Variants in CFL2 observed in about 807,000 individuals in gnomAD.
CFL2 encodes cofilin-2.
In CFL2, 10 loss-of-function variants were observed where a neutral mutation model predicts 19.6. That is an observed-to-expected ratio of 0.51 (90% CI 0.31 to 0.86). The LOEUF is 0.86. CFL2 is among the 40% of genes least tolerant of loss of function. CFL2 has a pLI of 0.04. For missense variants in CFL2, 125 were observed against 192.1 expected (o/e 0.65, Z 2.06); for synonymous variants, 63 against 66.7 (o/e 0.95, Z 0.27).
chr14:34,709,183 AG>A lies in CFL2; in HGVS notation c.*3681del, dbSNP rs972524954. The A allele has an allele frequency of 3.9e-5, 6 of 152,284 alleles. No individual in the cohort carries two copies. The highest frequency in any genetic ancestry group is 3.4e-3 in the Middle Eastern group (1 of 294). 9.4% of individuals were successfully genotyped at this position (152,284 alleles called of 1,614,324 possible). A position where few individuals can be genotyped will look rare whatever the true frequency, so the allele number is the denominator to read the frequency against. On this transcript the variant is annotated 3_prime_UTR_variant, in exon 4 of 4. Coordinates refer to ENST00000298159, the MANE Select transcript of CFL2 (RefSeq NM_138638.5). ...GTAATTAAGAATGAATAGTTTAAACAGATTATTGCATTTACATAGCATTTTC... is the reference window on the plus strand; with the variant it reads ...GTAATTAAGAATGAATAGTTTAAACAATTATTGCATTTACATAGCATTTTC...
At chr14:34,714,467 C>T (rs747723409) in intron 1 of CFL2, 71 bp downstream of exon 1, 20 of 1,510,924 alleles carry the variant, frequency 1.3e-5, no homozygotes, top group Non-Finnish European at 1.2e-5. Flanking sequence ...AAATGGCGGC[C>T]TCACTCCCGG....
intron 1 of CFL2, 46 bp downstream of exon 1, chr14:34,714,492 C>T (rs772455253): frequency 6.4e-7 from 1 of 1,550,716 alleles, no homozygotes; most frequent in South Asian, 1.2e-5. Context: ...GTGCGGGGGG[C>T]TTTTCTCGCC....
At position 34,713,011 on chromosome 14, in the gene CFL2, T is replaced by G. The variant is rs759449417; in HGVS notation, c.389-34A>C. On this transcript the variant is annotated intron_variant, in intron 3 of 3. Coordinates refer to ENST00000298159, the MANE Select transcript of CFL2 (RefSeq NM_138638.5). ...AAAAAACATTATCCTATTACTTTAT[T>G]ATAATTAATAAAGAATAATTTCTCT... is the stretch of plus-strand genomic sequence containing the variant. 3 of 1,545,434 alleles carry G rather than the reference T, an allele frequency of 1.9e-6. No homozygotes were observed. In the East Asian group the frequency reaches 7.2e-5, roughly 37 times the overall value.
At chr14:34,714,320 A>C (rs2138476917) in intron 1 of CFL2, 3 of 649,292 alleles carry the variant, frequency 4.6e-6, no homozygotes, top group Non-Finnish European at 4.5e-6. Flanking sequence ...ACCTGCGCCG[A>C]CGCCCGGGCC....
In CFL2 at chr14:34,710,786, C is replaced by T. The variant is rs1566522609; in HGVS notation, c.*2079G>A. 4.4e-6 allele frequency: 2 copies of T among 451,942 alleles called. No individual in the cohort carries two copies. The highest frequency in any genetic ancestry group is 2.4e-5 in the Admixed American group (1 of 42,196). The allele number at this position is 451,942 out of a possible 1,614,324, so 28.0% of individuals were successfully genotyped here. A position where few individuals can be genotyped will look rare whatever the true frequency, so the allele number is the denominator to read the frequency against. On this transcript the variant is annotated 3_prime_UTR_variant, in exon 4 of 4. Transcript: ENST00000298159. ...AATCTCTGAAATTACTAGAGGCATA[C>T]AAGAAAGTTAAGGAATCAGCTACAA...
At position 34,712,161 on chromosome 14, in the gene CFL2, T is replaced by C. The variant is rs1200867319; in HGVS notation, c.*704A>G. On this transcript the variant is annotated 3_prime_UTR_variant, in exon 4 of 4. Coordinates refer to ENST00000298159, the MANE Select transcript of CFL2 (RefSeq NM_138638.5). ...TATCTTTAGTGTTGCAGGACTCACA[T>C]GGTAAACATAAAACTCCTACACTTA... 3 of 454,388 alleles carry C rather than the reference T, an allele frequency of 6.6e-6. No individual in the cohort carries two copies. The highest frequency in any genetic ancestry group is 8.8e-6 in the Non-Finnish European group (2 of 226,792). The allele number at this position is 454,388 out of a possible 1,614,324, so 28.1% of individuals were successfully genotyped here. A position where few individuals can be genotyped will look rare whatever the true frequency, so the allele number is the denominator to read the frequency against.
In CFL2 at chr14:34,711,464, G is replaced by A. The variant is rs1277299654; in HGVS notation, c.*1401C>T. The A allele has an allele frequency of 1.1e-5, 4 of 363,644 alleles. No homozygotes were observed. The African/African-American group carries it at 1.3e-4, about 12-fold the overall frequency. The allele number at this position is 363,644 out of a possible 1,614,324, so 22.5% of individuals were successfully genotyped here. On this transcript the variant is annotated 3_prime_UTR_variant, in exon 4 of 4. Coordinates refer to ENST00000298159, the MANE Select transcript of CFL2 (RefSeq NM_138638.5). ...GCCAAATCCCACTACTAATGTTTAA[G>A]ACTGCTATTATCAATTCCTATTCCA...
rs763515640 is a variant in CFL2, at chr14:34,711,719, T to C, written c.*1146A>G. The C allele has an allele frequency of 6.3e-5, 28 of 443,498 alleles. No homozygotes were observed. Among genetic ancestry groups the C allele is most frequent in the South Asian group, 3.3e-4 (20 of 61,114 alleles). 27.5% of individuals were successfully genotyped at this position (443,498 alleles called of 1,614,324 possible). On this transcript the variant is annotated 3_prime_UTR_variant, in exon 4 of 4. Transcript: ENST00000298159. ...CAAATCAGATATTGAAAAGTATTTA[T>C]GCCAAAGTGCAAAAAATAATTTCTG...
rs1566523690 is a variant in CFL2, at chr14:34,711,776, ACT to A, written c.*1087_*1088del. 2.2e-6 allele frequency: 1 copy of A among 446,174 alleles called. No individual in the cohort carries two copies. The highest frequency in any genetic ancestry group is 2.5e-5 in the Admixed American group (1 of 40,384). 27.6% of individuals were successfully genotyped at this position (446,174 alleles called of 1,614,324 possible). A position where few individuals can be genotyped will look rare whatever the true frequency, so the allele number is the denominator to read the frequency against. ...ATATTAACACATAGGAAATAAATACACTAATGTTTATAAAAGTACCATTCTTT... is the reference window on the plus strand; with the variant it reads ...ATATTAACACATAGGAAATAAATACAAATGTTTATAAAAGTACCATTCTTT... On this transcript the variant is annotated 3_prime_UTR_variant, in exon 4 of 4. Transcript: ENST00000298159.
chr14:34,714,196 C>A, intron 1 of CFL2: 1 of 381,244 alleles, frequency 2.6e-6, no homozygotes, highest in Non-Finnish European at 4.7e-6. Flanking sequence ...CAGCACGTAC[C>A]AATTTTAAAG....
chr14:34,714,065 C>T, intron 1 of CFL2: 1 of 405,018 alleles, frequency 2.5e-6, no homozygotes, highest in South Asian at 3.1e-5. Context: ...CCAAAACTAA[C>T]TGATCGAGTG....
intron 1 of CFL2, 127 bp downstream of exon 1, chr14:34,714,411 G>A (rs889137679): frequency 4.4e-4 from 615 of 1,390,246 alleles, no homozygotes; most frequent in Non-Finnish European, 5.3e-4. Flanking sequence ...GAGAGCAGCG[G>A]AGCCGCAGAG....
intron 1 of CFL2, chr14:34,713,923 G>T: frequency 1.9e-6 from 2 of 1,025,872 alleles, no homozygotes; most frequent in East Asian, 2.7e-5. Flanking sequence ...AACACTTTTG[G>T]ATTTCAGTTA....
At chr14:34,714,404 AG>A (rs2138477115) in intron 1 of CFL2, 133 bp downstream of exon 1, 2 of 1,365,362 alleles carry the variant, frequency 1.5e-6, no homozygotes, top group Non-Finnish European at 1.9e-6. Flanking sequence ...TCGGCTGGAG[AG>A]CAGCGGAGCC....
Position 34,709,144 on chromosome 14 carries a change from T to G in CFL2, c.*3721A>C, listed in dbSNP as rs1485162991. On this transcript the variant is annotated 3_prime_UTR_variant, in exon 4 of 4. Transcript: ENST00000298159. ...TTTTAACAAAAACATTTAATATTTA[T>G]CTACTTACATACAGTAATTAAGAAT... 2.0e-5 allele frequency: 3 copies of G among 152,112 alleles called. No homozygotes were observed. The highest frequency in any genetic ancestry group is 7.2e-5 in the African/African-American group (3 of 41,420). The allele number at this position is 152,112 out of a possible 1,614,324, so 9.4% of individuals were successfully genotyped here.
In CFL2 at chr14:34,710,432, C is replaced by A; in HGVS notation, c.*2433G>T. 1 of 402,402 alleles carries A rather than the reference C, an allele frequency of 2.5e-6. No homozygotes were observed. Among genetic ancestry groups the A allele is most frequent in the Non-Finnish European group, 4.9e-6 (1 of 205,844 alleles). 24.9% of individuals were successfully genotyped at this position (402,402 alleles called of 1,614,324 possible). A position where few individuals can be genotyped will look rare whatever the true frequency, so the allele number is the denominator to read the frequency against. ...TGTTCTGAAGTATAAGTAAACACAT[C>A]TCAACAGCTTTACATATTTTCATAT... On this transcript the variant is annotated 3_prime_UTR_variant, in exon 4 of 4. Transcript: ENST00000298159.
Position 34,713,121 on chromosome 14 carries a change from T to C in CFL2, c.327A>G (p.Ala109=). The C allele has an allele frequency of 6.3e-7, 1 of 1,577,666 alleles. No individual in the cohort carries two copies. The change falls in exon 3 of 4, where the codon GCA becomes GCG. Residue 109 remains alanine (A), a synonymous_variant. Transcript: ENST00000298159. ...CATAAATCATCTTGCTTTTTAAAGG[T>C]GCACTTTCAGGAGCCCTACAGAAAA... ...LVFIFWAPES[A]PLKSKMIYAS... is the part of the protein sequence containing the mutation.
rs751113958 is a variant in CFL2 at position 34,711,773 on chromosome 14, T to C, written c.*1092A>G. ...TTCATATTAACACATAGGAAATAAA[T>C]ACACTAATGTTTATAAAAGTACCAT... On this transcript the variant is annotated 3_prime_UTR_variant, in exon 4 of 4. Transcript: ENST00000298159. 4.3e-5 allele frequency: 19 copies of C among 443,398 alleles called. 1 individual carries two copies. The highest frequency in any genetic ancestry group is 3.1e-4 in the South Asian group (19 of 61,326). 27.5% of individuals were successfully genotyped at this position (443,398 alleles called of 1,614,324 possible).
At chr14:34,713,899 G>T (rs1268333484) in intron 1 of CFL2, 7 of 1,330,650 alleles carry the variant, frequency 5.3e-6, no homozygotes, top group South Asian at 3.1e-5. Context: ...TGTCAACTCG[G>T]CTGGCCTTAA....
Sources: gnomAD v4.1 joint callset for allele counts on GRCh38, gnomAD v4.1.1 for gene constraint, MANE v1.5 for transcripts, NCBI Gene and HGNC (gene_info 2026-07-23, HGNC 2026-07-21) for gene names.